FGF14: variants seen among roughly 807,000 people sequenced by gnomAD.
FGF14 encodes the protein fibroblast growth factor homologous factor 4.
A neutral mutation model predicts 25.5 loss-of-function variants in FGF14; 5 were observed. The ratio of observed to expected loss-of-function variants is 0.20; its 90% CI spans 0.10 to 0.41. The LOEUF (loss-of-function observed/expected upper bound fraction) is 0.41. Among genes scored for constraint, FGF14 ranks in the 10% least tolerant of loss-of-function variants. The pLI, the probability that FGF14 is intolerant of heterozygous loss-of-function variation, is 1.00. For missense variants in FGF14, 222 were observed against 320.1 expected, an observed-to-expected ratio of 0.69 and a Z score of 2.34; for synonymous variants, 138 against 118.3, an observed-to-expected ratio of 1.17 and a Z score of -1.08.
intron 3 of FGF14, among the ~76,000 whole-genome samples, chr13:101,752,792 A>T (rs2037375670): frequency 6.6e-6 from 1 of 152,158 alleles, no homozygotes; most frequent in South Asian, 2.1e-4. Context: ...CAAACATTAT[A>T]TTTTCATAGA....
At chr13:102,161,643 G>GAAGAAGA (rs2047726479) in intron 1 of FGF14, among the ~76,000 whole-genome samples, 2 of 12,642 alleles carry the variant, frequency 1.6e-4, no homozygotes, top group Non-Finnish European at 3.2e-4. Context: ...AGAAGAAGAA[G>GAAGAAGA]AAGAAGAAGA....
intron 3 of FGF14, among the ~76,000 whole-genome samples, chr13:101,865,853 T>C (rs2044672986): frequency 6.6e-6 from 1 of 152,128 alleles, no homozygotes; most frequent in African/African-American, 2.4e-5. Context: ...TAGTTTACAC[T>C]GCACAAAAAT....
chr13:102,075,318 C>A, intron 1 of FGF14, among the ~76,000 whole-genome samples: 1 of 152,146 alleles, frequency 6.6e-6, no homozygotes, highest in Non-Finnish European at 1.5e-5. Context: ...ATTCTGCTTA[C>A]AATAGCTACA....
At chr13:101,857,357 A>G (rs778482529) in intron 3 of FGF14, among the ~76,000 whole-genome samples, 7 of 151,968 alleles carry the variant, frequency 4.6e-5, no homozygotes, top group Non-Finnish European at 7.4e-5. Flanking sequence ...ATAGCAACCA[A>G]TTATGGTGCT....
At chr13:102,081,908 T>C (rs1320425203) in intron 1 of FGF14, among the ~76,000 whole-genome samples, 1 of 152,202 alleles carries the variant, frequency 6.6e-6, no homozygotes, top group Non-Finnish European at 1.5e-5. Context: ...ATTTAGTTTC[T>C]ATAAATGGAA....
At chr13:101,890,006 T>C (rs1292274014) in intron 1 of FGF14, among the ~76,000 whole-genome samples, 5 of 152,196 alleles carry the variant, frequency 3.3e-5, no homozygotes, top group Admixed American at 6.6e-5. Context: ...CAAGAACCAG[T>C]CTTTGTGTTC....
intron 3 of FGF14, among the ~76,000 whole-genome samples, chr13:101,789,838 A>G (rs985898132): frequency 3.1e-5 from 1 of 32,004 alleles, no homozygotes; most frequent in Non-Finnish European, 1.7e-4. Flanking sequence ...AAAAGCTTCT[A>G]TTATGCCTCA....
chr13:102,051,894 A>G (rs1165328486), intron 1 of FGF14, among the ~76,000 whole-genome samples: 1 of 152,188 alleles, frequency 6.6e-6, no homozygotes, highest in Non-Finnish European at 1.5e-5. Flanking sequence ...AGACCATAAT[A>G]ATCTCTTAGT....
At chr13:101,851,015 G>A (rs1322314305) in intron 3 of FGF14, among the ~76,000 whole-genome samples, 1 of 151,992 alleles carries the variant, frequency 6.6e-6, no homozygotes, top group Non-Finnish European at 1.5e-5. Flanking sequence ...ACTCCTAACT[G>A]CTAGTAGCTA....
At chr13:101,803,692 T>A (rs1340780862) in intron 3 of FGF14, among the ~76,000 whole-genome samples, 1 of 152,212 alleles carries the variant, frequency 6.6e-6, no homozygotes, top group East Asian at 1.9e-4. Context: ...ATTGACTATA[T>A]GATCCTGTAG....
intron 1 of FGF14, among the ~76,000 whole-genome samples, chr13:101,889,761 C>T (rs548252853): frequency 2.6e-5 from 4 of 152,308 alleles, no homozygotes; most frequent in East Asian, 1.9e-4. Flanking sequence ...CATCTGAGAA[C>T]GTGCATCATC....
intron 1 of FGF14, among the ~76,000 whole-genome samples, chr13:102,199,871 TC>T (rs2049535265): frequency 6.6e-6 from 1 of 152,288 alleles, no homozygotes; most frequent in Admixed American, 6.5e-5. Flanking sequence ...CTTCTGCACC[TC>T]AAACCCACTT....
chr13:102,184,274 G>C (rs2048793063), intron 1 of FGF14, among the ~76,000 whole-genome samples: 1 of 152,092 alleles, frequency 6.6e-6, no homozygotes, highest in Non-Finnish European at 1.5e-5. Flanking sequence ...ACTGAGGAGA[G>C]AACATCATCA....
intron 1 of FGF14, among the ~76,000 whole-genome samples, chr13:101,955,766 T>C (rs1474740599): frequency 6.6e-6 from 1 of 152,184 alleles, no homozygotes; most frequent in Non-Finnish European, 1.5e-5. Flanking sequence ...AATCAAGACC[T>C]TTGCTCCAAC....
intron 1 of FGF14, among the ~76,000 whole-genome samples, chr13:102,350,266 T>A (rs2057236502): frequency 6.6e-6 from 1 of 152,014 alleles, no homozygotes; most frequent in Non-Finnish European, 1.5e-5. Flanking sequence ...CTACTCAGGA[T>A]GCTGAGGCAG....
chr13:102,364,066 T>G (rs1235942213), intron 1 of FGF14, among the ~76,000 whole-genome samples: 1 of 152,238 alleles, frequency 6.6e-6, no homozygotes, highest in Non-Finnish European at 1.5e-5. Flanking sequence ...GGTACGTGGT[T>G]GTGGATCTGA....
chr13:101,816,699 G>A (rs1027376501), intron 3 of FGF14, among the ~76,000 whole-genome samples: 14 of 152,160 alleles, frequency 9.2e-5, no homozygotes, highest in Middle Eastern at 6.8e-3. Flanking sequence ...TCATGCATAA[G>A]TTTAATTCTA....
chr13:102,259,953 G>T (rs1480434563), intron 1 of FGF14, among the ~76,000 whole-genome samples: 1 of 152,132 alleles, frequency 6.6e-6, no homozygotes, highest in African/African-American at 2.4e-5. Flanking sequence ...AGTCCTCACC[G>T]GACAGAGGGA....
intron 1 of FGF14, among the ~76,000 whole-genome samples, chr13:102,033,493 G>GCA (rs998711141): frequency 2.1e-5 from 3 of 142,880 alleles, no homozygotes; most frequent in African/African-American, 9.2e-5. Flanking sequence ...GCTTGCGTGT[G>GCA]CACGCACACA....
Sources: gnomAD v4.1 joint callset for allele counts (sites outside exome capture counted in the v4.1 genomes callset) on GRCh38, gnomAD v4.1.1 for gene constraint, MANE v1.5 for transcripts, NCBI Gene and HGNC (gene_info 2026-07-23, HGNC 2026-07-21) for gene names.